The following BRIX1 variants were observed in gnomAD, a reference collection of about 807,000 sequenced individuals.
The protein encoded by BRIX1 is ribosome biogenesis protein BRX1 homolog.
A neutral mutation model predicts 44.0 loss-of-function variants in BRIX1; 15 were observed. The observed-to-expected ratio is 0.34, with a 90% CI of 0.23 to 0.53. BRIX1 has a LOEUF of 0.53. Among genes scored for constraint, BRIX1 ranks in the 20% least tolerant of loss-of-function variants. The probability of loss-of-function intolerance (pLI) is 0.95; values close to 1 mark genes in which losing one functional copy is unlikely to be tolerated. For missense variants in BRIX1, 420 were observed against 432.8 expected (o/e 0.97, Z 0.26); for synonymous variants, 149 against 135.4 (o/e 1.10, Z -0.70).
intron 3 of BRIX1, 112 bp downstream of exon 3, chr5:34,919,995 C>T: frequency 1.9e-6 from 1 of 528,174 alleles, no homozygotes; most frequent in South Asian, 2.1e-5. Flanking sequence ...ACTATTCAGA[C>T]ACATTTTATT....
chr5:34,923,395 A>G (rs1222058543), intron 8 of BRIX1, 161 bp downstream of exon 8: 2 of 609,142 alleles, frequency 3.3e-6, no homozygotes, highest in East Asian at 5.5e-5. Context: ...CTGCTCCCTC[A>G]GTCTCCTGAG....
chr5:34,925,002 T>G (rs1264931967), intron 9 of BRIX1, 27 bp downstream of exon 9: 4 of 1,607,290 alleles, frequency 2.5e-6, no homozygotes, highest in Non-Finnish European at 3.4e-6. Context: ...TTCAGTAGTC[T>G]TCAATGTACC....
intron 1 of BRIX1, chr5:34,916,406 T>C (rs1006875156): frequency 6.6e-6 from 1 of 152,616 alleles, no homozygotes; most frequent in African/African-American, 2.4e-5. Context: ...AAAAATAGAC[T>C]AGGTAGTATG....
intron 1 of BRIX1, 136 bp from the exon 2 acceptor site, chr5:34,918,228 T>C: frequency 1.9e-6 from 1 of 513,272 alleles, no homozygotes; most frequent in East Asian, 3.3e-5. Flanking sequence ...GGAGGATCAC[T>C]TACTTGAGCC....
chr5:34,920,186 TC>T (rs1240163702), intron 3 of BRIX1: 1 of 182,016 alleles, frequency 5.5e-6, no homozygotes. Flanking sequence ...CAAAAAATTA[TC>T]AGTCAACATA....
At position 34,923,182 on chromosome 5, in the gene BRIX1, A is replaced by C; in HGVS notation, c.611A>C (p.His204Pro). ...CCCAAAAGCCAACCATTTGTGGACC[A>C]CGTGTTTACTTTCACCATTTTGGAT... is the stretch of plus-strand genomic sequence containing the variant. ...YHPKSQPFVD[H>P]VFTFTILDNR... Residue 204 changes from histidine (H) to proline (P), a missense_variant, in exon 8 of 10, where the codon CAC becomes CCC. Coordinates refer to ENST00000336767, the MANE Select transcript of BRIX1 (RefSeq NM_018321.4). 2 of 1,614,202 alleles carry C rather than the reference A, an allele frequency of 1.2e-6. No homozygotes were observed. Among genetic ancestry groups the C allele is most frequent in the Non-Finnish European group, 1.7e-6 (2 of 1,180,008 alleles).
chr5:34,918,636 G>C (rs774633187), intron 2 of BRIX1, 161 bp downstream of exon 2: 2 of 479,208 alleles, frequency 4.2e-6, no homozygotes, highest in Admixed American at 4.0e-5. Flanking sequence ...TTAACATTTC[G>C]TAAGAAATTC....
intron 8 of BRIX1, among the ~76,000 whole-genome samples, chr5:34,924,013 TTC>T (rs758654316): frequency 3.3e-5 from 5 of 152,138 alleles, no homozygotes; most frequent in Non-Finnish European, 7.4e-5. Context: ...AAATAGAAGT[TTC>T]TCTCTCAAAG....
intron 8 of BRIX1, 85 bp from the exon 9 acceptor site, chr5:34,924,762 G>T: frequency 1.3e-6 from 1 of 784,426 alleles, no homozygotes; most frequent in Non-Finnish European, 2.0e-6. Context: ...ATTATTTCAG[G>T]CACATTTATA....
At chr5:34,917,891 G>A (rs1462708210) in intron 1 of BRIX1, among the ~76,000 whole-genome samples, 1 of 152,090 alleles carries the variant, frequency 6.6e-6, no homozygotes, top group Non-Finnish European at 1.5e-5. Flanking sequence ...AGAGATTGAA[G>A]TTGAAAAACA....
chr5:34,915,837 C>A lies in BRIX1; in HGVS notation c.99C>A (p.His33Gln). The change falls in exon 1 of 10, where the codon CAC (histidine) becomes CAA (glutamine). Residue 33 changes from histidine to glutamine, a missense_variant. By Grantham distance (24) the His-to-Gln change is conservative (BLOSUM62 0). Coordinates refer to ENST00000336767, the MANE Select transcript of BRIX1 (RefSeq NM_018321.4). The part of the protein sequence containing the change: ...EIDAEPPAKR[H>Q]ATAEEVEEEE... ...ATGCGGAGCCGCCAGCTAAGCGGCA[C>A]GCCACAGCAGAGGAGGTGGAGGAAG... The A allele has an allele frequency of 6.4e-7, 1 of 1,570,566 alleles. No individual in the cohort carries two copies. Among genetic ancestry groups the A allele is most frequent in the South Asian group, 1.2e-5 (1 of 85,548 alleles).
chr5:34,915,777 A>G lies in BRIX1; in HGVS notation c.39A>G (p.Ala13=). The G allele has an allele frequency of 1.9e-6, 3 of 1,600,516 alleles. No individual in the cohort carries two copies. Among genetic ancestry groups the G allele is most frequent in the Non-Finnish European group, 1.7e-6 (2 of 1,173,598 alleles). Residue 13 remains alanine (A), a synonymous_variant, in exon 1 of 10, where the codon GCA becomes GCG. Transcript: ENST00000336767. ...AGAGGAAACGGCGTGGAGGCTTTGC[A>G]GTTCAGGCGAAGAAGCCAAAAAGAA... The part of the protein sequence containing the change: ...ATKRKRRGGF[A]VQAKKPKRNE...
chr5:34,922,801 T>A, intron 6 of BRIX1, 33 bp downstream of exon 6: 1 of 1,573,204 alleles, frequency 6.4e-7, no homozygotes, highest in Non-Finnish European at 8.7e-7. Flanking sequence ...GAGGTCTAAT[T>A]TTCTTATCTG....
intron 1 of BRIX1, 156 bp downstream of exon 1, chr5:34,916,053 A>AGTTT: frequency 2.4e-6 from 2 of 843,928 alleles, no homozygotes; most frequent in Non-Finnish European, 3.5e-6. Context: ...CTGGGCACGG[A>AGTTT]GTTTGCAGCT....
At position 34,923,050 on chromosome 5, in the gene BRIX1, A is replaced by T; in HGVS notation, c.560A>T (p.Gln187Leu). Reference sequence around the variant, plus strand: ...GCTTTGTTAAAAGAACTCTTAATTCAGGTAAATATCTTTAAAATTAGCTAT... The same window carrying T: ...GCTTTGTTAAAAGAACTCTTAATTCTGGTAAATATCTTTAAAATTAGCTAT... The part of the protein sequence containing the change: ...HYALLKELLI[Q>L]IFSTPRYHPK... Residue 187 changes from glutamine to leucine, a missense_variant and splice_region_variant, in exon 7 of 10, where the codon CAG becomes CTG. By Grantham distance (113) the Gln-to-Leu change is moderately radical (BLOSUM62 -2). Coordinates refer to ENST00000336767, the MANE Select transcript of BRIX1 (RefSeq NM_018321.4). 1 of 1,555,148 alleles carries T rather than the reference A, an allele frequency of 6.4e-7. No homozygotes were observed. Among genetic ancestry groups the T allele is most frequent in the Non-Finnish European group, 8.9e-7 (1 of 1,127,196 alleles).
Position 34,922,563 on chromosome 5 carries a change from A to G in BRIX1, c.411A>G (p.Pro137=), listed in dbSNP as rs1764263939. ...GGCTTTCAAATTCACCTCACGGACCATCTGCTAAATTCCTTGTTCAAAATA... is the reference window on the plus strand; with the variant it reads ...GGCTTTCAAATTCACCTCACGGACCGTCTGCTAAATTCCTTGTTCAAAATA... The part of the protein sequence containing the change: ...YMWLSNSPHG[P]SAKFLVQNIH... The change falls in exon 5 of 10, where the codon CCA becomes CCG. Residue 137 remains proline, a synonymous_variant. Transcript: ENST00000336767. The G allele has an allele frequency of 6.2e-7, 1 of 1,609,558 alleles. No individual in the cohort carries two copies. Among genetic ancestry groups the G allele is most frequent in the Non-Finnish European group, 8.5e-7 (1 of 1,176,204 alleles).
intron 3 of BRIX1, 187 bp downstream of exon 3, chr5:34,920,070 T>C (rs1302596069): frequency 4.9e-6 from 2 of 409,898 alleles, no homozygotes; most frequent in Admixed American, 9.3e-5. Context: ...TTCATTTCTG[T>C]TTGTTTTGTC....
intron 8 of BRIX1, among the ~76,000 whole-genome samples, chr5:34,924,195 T>C (rs1764303221): frequency 6.6e-6 from 1 of 152,146 alleles, no homozygotes; most frequent in African/African-American, 2.4e-5. Flanking sequence ...GCACGATAAG[T>C]GCAGAAAGAT....
In BRIX1 at chr5:34,915,902, G is replaced by T. The variant is rs1219502487; in HGVS notation, c.159+5G>T. Reference sequence around the variant, plus strand: ...ATCCCAGGCCCCGTTTGCAAGGTAGGAGGGGATGTCCCCGGGCTACACCTG... The same window carrying T: ...ATCCCAGGCCCCGTTTGCAAGGTAGTAGGGGATGTCCCCGGGCTACACCTG... On this transcript the variant is annotated splice_donor_5th_base_variant and intron_variant, in intron 1 of 9. Transcript: ENST00000336767. The T allele has an allele frequency of 3.2e-6, 5 of 1,547,984 alleles. No individual in the cohort carries two copies. Among genetic ancestry groups the T allele is most frequent in the Non-Finnish European group, 4.4e-6 (5 of 1,146,204 alleles).
Sources: gnomAD v4.1 joint callset for allele counts (sites outside exome capture counted in the v4.1 genomes callset) on GRCh38, gnomAD v4.1.1 for gene constraint, MANE v1.5 for transcripts, NCBI Gene and HGNC (gene_info 2026-07-23, HGNC 2026-07-21) for gene names.